Variants in COL25A1 observed in about 807,000 individuals in gnomAD.
The protein encoded by COL25A1 is collagen type XXV alpha 1 chain.
COL25A1 carries 103 observed loss-of-function variants against 128.4 expected under a neutral mutation model. The ratio of observed to expected loss-of-function variants is 0.80; its 90% confidence interval spans 0.68 to 0.94. The LOEUF (loss-of-function observed/expected upper bound fraction) is 0.94, where lower values mean the gene tolerates loss of function less well. Ranked by LOEUF, COL25A1 falls within the 40% of genes least tolerant of loss-of-function variation. The probability of loss-of-function intolerance (pLI) is 0.00; values close to 1 mark genes in which losing one functional copy is unlikely to be tolerated. For synonymous variants in COL25A1, 279 were observed against 277.2 expected, an observed-to-expected ratio of 1.01 and a Z score of -0.06; for missense variants, 745 against 840.0, an observed-to-expected ratio of 0.89 and a Z score of 1.40.
At position 108,824,197 on chromosome 4, in the gene COL25A1, C is replaced by T; in HGVS notation, c.1822G>A (p.Asp608Asn). Residue 608 changes from aspartate to asparagine, a missense_variant, in exon 35 of 38, where the codon GAT (aspartate) becomes AAT (asparagine). By Grantham distance (23) the Asp-to-Asn change is conservative. Transcript: ENST00000399132. Reference protein sequence around the residue: ...GFPGPRGEKGDLGEKGEKGFR... With the variant: ...GFPGPRGEKGNLGEKGEKGFR... Reference sequence around the variant, plus strand: ...ACCTTTTCTCCCTTTTCTCCTAGATCACCCTTCTCACCCCGTGGACCAGGG... The same window carrying T: ...ACCTTTTCTCCCTTTTCTCCTAGATTACCCTTCTCACCCCGTGGACCAGGG... The T allele has an allele frequency of 6.2e-7, 1 of 1,613,840 alleles. No homozygotes were observed. Among genetic ancestry groups the T allele is most frequent in the Non-Finnish European group, 8.5e-7 (1 of 1,179,868 alleles).
intron 4 of COL25A1, among the ~76,000 whole-genome samples, chr4:109,048,949 T>C (rs1311257786): frequency 6.6e-6 from 1 of 152,148 alleles, no homozygotes; most frequent in African/African-American, 2.4e-5. Context: ...TAGAAAACTT[T>C]GCACTTTGTG....
intron 20 of COL25A1, among the ~76,000 whole-genome samples, chr4:108,866,261 C>T (rs949557808): frequency 6.8e-5 from 10 of 147,750 alleles, no homozygotes; most frequent in Middle Eastern, 3.4e-3. Flanking sequence ...GTTGTGATCT[C>T]GGCTCACTGC....
intron 3 of COL25A1, among the ~76,000 whole-genome samples, chr4:109,075,671 T>C (rs1763314211): frequency 1.3e-5 from 2 of 152,078 alleles, no homozygotes. Flanking sequence ...GTTAACACAA[T>C]ATGTAATAAA....
intron 37 of COL25A1, 98 bp downstream of exon 37, chr4:108,817,299 T>C: frequency 9.1e-7 from 1 of 1,102,792 alleles, no homozygotes; most frequent in Admixed American, 1.9e-5. Context: ...AATCTTTTGC[T>C]TTTTAATATC....
chr4:109,006,378 A>ATTTTTTTTTTTT lies in COL25A1; in HGVS notation c.438+3968_438+3979dup, dbSNP rs56845799. Reference sequence around the variant, plus strand: ...AGGTGTGCACTGCCACACCCAGCTAATTTTTTTTTTTTTTTTTTTTTTTTT... The same window carrying ATTTTTTTTTTTT: ...AGGTGTGCACTGCCACACCCAGCTAATTTTTTTTTTTTTTTTTTTTTTTTTTTTTTTTTTTTT... On this transcript the variant is annotated intron_variant, in intron 6 of 37. Coordinates refer to ENST00000399132, the MANE Select transcript of COL25A1 (RefSeq NM_198721.4). 4.8e-3 allele frequency among the ~76,000 whole-genome samples: 250 copies of ATTTTTTTTTTTT among 51,876 alleles called. 2 individuals are homozygous for ATTTTTTTTTTTT. Among genetic ancestry groups the ATTTTTTTTTTTT allele is most frequent in the East Asian group, 0.018 (21 of 1,164 alleles). 34.0% of individuals were successfully genotyped at this position (51,876 alleles called of 152,430 possible).
At chr4:109,134,516 A>C (rs896113121) in intron 3 of COL25A1, among the ~76,000 whole-genome samples, 23 of 152,306 alleles carry the variant, frequency 1.5e-4, no homozygotes, top group African/African-American at 5.3e-4. Flanking sequence ...AAAGAAGCGC[A>C]TTCCCCATTT....
chr4:109,019,083 G>T (rs1016737841), intron 5 of COL25A1, among the ~76,000 whole-genome samples: 30 of 152,066 alleles, frequency 2.0e-4, no homozygotes, highest in Non-Finnish European at 2.2e-4. Flanking sequence ...TCAGTGGGCT[G>T]GGGAAGGCAG....
intron 31 of COL25A1, among the ~76,000 whole-genome samples, chr4:108,841,073 A>T (rs1734392373): frequency 6.6e-6 from 1 of 152,200 alleles, no homozygotes; most frequent in Admixed American, 6.5e-5. Flanking sequence ...GTCTAGACAA[A>T]GGCAAAGGAC....
chr4:108,889,055 GTCA>G (rs1312660681), intron 18 of COL25A1, among the ~76,000 whole-genome samples, 163 bp downstream of exon 18: 2 of 152,140 alleles, frequency 1.3e-5, no homozygotes, highest in Admixed American at 6.5e-5. Context: ...TTGTGCTATG[GTCA>G]TCATCAAGAC....
At chr4:109,060,886 G>A (rs1246904591) in intron 3 of COL25A1, among the ~76,000 whole-genome samples, 1 of 151,978 alleles carries the variant, frequency 6.6e-6, no homozygotes. Flanking sequence ...CTGTCCCTTT[G>A]TTTTCAATCC....
At chr4:108,973,956 TC>T (rs1309912869) in intron 8 of COL25A1, among the ~76,000 whole-genome samples, 1 of 152,248 alleles carries the variant, frequency 6.6e-6, no homozygotes, top group Non-Finnish European at 1.5e-5. Flanking sequence ...GATAATTTTA[TC>T]TGTAAAAAAA....
chr4:108,983,665 C>T (rs774941603), intron 6 of COL25A1, among the ~76,000 whole-genome samples: 2 of 151,918 alleles, frequency 1.3e-5, no homozygotes, highest in East Asian at 1.9e-4. Flanking sequence ...GGAGTTTCTT[C>T]CTTCTGGTGG....
rs760986359 is a variant in COL25A1, at chr4:108,899,201, T to C, written c.835-21A>G. ...TCTCCCTGAGCAAAAAGACAGAGAT[T>C]GGGTGACATCAAATCATAAAACACC... On this transcript the variant is annotated intron_variant, in intron 14 of 37. Coordinates refer to ENST00000399132, the MANE Select transcript of COL25A1 (RefSeq NM_198721.4). 6.2e-6 allele frequency: 10 copies of C among 1,604,566 alleles called. No homozygotes were observed. In the Admixed American group the frequency reaches 1.7e-4, roughly 27 times the overall value.
At chr4:109,213,895 C>T (rs1314244980) in intron 3 of COL25A1, among the ~76,000 whole-genome samples, 1 of 152,062 alleles carries the variant, frequency 6.6e-6, no homozygotes, top group African/African-American at 2.4e-5. Flanking sequence ...TTCAACAGAT[C>T]TAAGCTATGA....
intron 3 of COL25A1, among the ~76,000 whole-genome samples, chr4:109,149,559 G>A (rs747418389): frequency 1.4e-4 from 21 of 151,944 alleles, no homozygotes; most frequent in Non-Finnish European, 2.5e-4. Context: ...TTATGGCATC[G>A]GCTGCAGCCA....
chr4:109,048,291 A>G (rs1226040111), intron 4 of COL25A1, 116 bp from the exon 5 acceptor site: 1 of 976,932 alleles, frequency 1.0e-6, no homozygotes, highest in Non-Finnish European at 1.5e-6. Flanking sequence ...ATAGACATGG[A>G]AGTTTTTTTA....
chr4:109,298,670 G>A (rs1055292408), intron 3 of COL25A1, among the ~76,000 whole-genome samples: 5 of 152,178 alleles, frequency 3.3e-5, no homozygotes, highest in Non-Finnish European at 7.4e-5. Context: ...TCAACGTAAT[G>A]TCCTTATTTT....
At position 109,200,389 on chromosome 4, in the gene COL25A1, G is replaced by A. The variant is rs149797964; in HGVS notation, c.367+100194C>T. ...AGAATTTTGAATCACCAAATCCATG[G>A]CTCTTTGCTTTTTCAATTTTTCCTT... On this transcript the variant is annotated intron_variant, in intron 3 of 37. Transcript: ENST00000399132. Among the ~76,000 whole-genome samples, 3 of 152,094 alleles carry A rather than the reference G, an allele frequency of 2.0e-5. No homozygotes were observed. The East Asian group carries it at 5.8e-4, about 29-fold the overall frequency.
intron 3 of COL25A1, among the ~76,000 whole-genome samples, chr4:109,152,024 T>G (rs1771551288): frequency 1.3e-5 from 2 of 152,100 alleles, no homozygotes; most frequent in Admixed American, 1.3e-4. Flanking sequence ...AATGTATGTG[T>G]TTAGAAGTAC....
Sources: allele counts gnomAD v4.1 joint callset (sites outside exome capture counted in the v4.1 genomes callset), GRCh38; gene constraint gnomAD v4.1.1; transcripts MANE v1.5; gene names NCBI Gene and HGNC (gene_info 2026-07-23, HGNC 2026-07-21).